Variants in IRAK2 observed in about 807,000 individuals in gnomAD.
IRAK2 encodes interleukin-1 receptor-associated kinase-like 2.
Under a neutral mutation model 72.0 loss-of-function variants are expected in IRAK2, and 57 were observed. That is an observed-to-expected ratio of 0.79 (90% CI 0.64 to 0.99). The LOEUF (loss-of-function observed/expected upper bound fraction) is 0.99, where lower values mean the gene tolerates loss of function less well. IRAK2 is among the 50% of genes least tolerant of loss of function. The pLI is 0.00. For synonymous variants in IRAK2, 293 were observed against 312.7 expected (o/e 0.94, Z 0.67); for missense variants, 790 against 794.4 (o/e 0.99, Z 0.07).
At chr3:10,212,803 C>T (rs1197378111) in intron 4 of IRAK2, among the ~76,000 whole-genome samples, 13 of 136,388 alleles carry the variant, frequency 9.5e-5, no homozygotes, top group African/African-American at 1.7e-4. Context: ...CTCGCTCTGT[C>T]ACCCAGGCTG....
intron 2 of IRAK2, among the ~76,000 whole-genome samples, chr3:10,187,315 A>G (rs1185061636): frequency 6.6e-6 from 1 of 152,136 alleles, no homozygotes; most frequent in Non-Finnish European, 1.5e-5. Flanking sequence ...GGCAAAGACT[A>G]GTTGAAAAAT....
intron 9 of IRAK2, among the ~76,000 whole-genome samples, chr3:10,225,988 C>T (rs949631678): frequency 1.3e-5 from 2 of 152,086 alleles, no homozygotes; most frequent in East Asian, 1.9e-4. Flanking sequence ...CATGATCCAC[C>T]GTGCCCAGCC....
chr3:10,240,434 G>A (rs1236152073), intron 12 of IRAK2, among the ~76,000 whole-genome samples: 6 of 148,678 alleles, frequency 4.0e-5, no homozygotes, highest in South Asian at 4.3e-4. Flanking sequence ...TCCAGCCTGG[G>A]TGACAGAGGA....
At chr3:10,227,693 G>A (rs1697801534) in intron 10 of IRAK2, among the ~76,000 whole-genome samples, 1 of 145,630 alleles carries the variant, frequency 6.9e-6, no homozygotes, top group Non-Finnish European at 1.5e-5. Flanking sequence ...TTTTGAGACG[G>A]AGTCTTGCTC....
chr3:10,208,075 TG>T (rs1697458997), intron 3 of IRAK2, among the ~76,000 whole-genome samples: 1 of 149,786 alleles, frequency 6.7e-6, no homozygotes, highest in Non-Finnish European at 1.5e-5. Flanking sequence ...TGAAGACTAA[TG>T]AGGCCGTCTG....
intron 10 of IRAK2, among the ~76,000 whole-genome samples, chr3:10,227,592 A>G (rs1297081730): frequency 1.3e-5 from 2 of 152,112 alleles, no homozygotes; most frequent in East Asian, 1.9e-4. Context: ...AGTTTGGCCT[A>G]GGATCTCAGT....
At chr3:10,176,769 G>A (rs1196086710) in intron 1 of IRAK2, among the ~76,000 whole-genome samples, 4 of 150,916 alleles carry the variant, frequency 2.7e-5, no homozygotes, top group Non-Finnish European at 4.4e-5. Flanking sequence ...AAGCCACTGC[G>A]CCTGGCCTAC....
intron 1 of IRAK2, among the ~76,000 whole-genome samples, chr3:10,168,410 C>T (rs1205863593): frequency 2.1e-4 from 32 of 151,810 alleles, no homozygotes; most frequent in African/African-American, 6.3e-4. Context: ...AGGGTTTCAC[C>T]GTGTTGGCCA....
At chr3:10,186,362 G>T (rs1379150334) in intron 2 of IRAK2, among the ~76,000 whole-genome samples, 2 of 151,646 alleles carry the variant, frequency 1.3e-5, no homozygotes, top group Non-Finnish European at 2.9e-5. Flanking sequence ...TGCTCTCTTG[G>T]CTTCTAATCA....
chr3:10,237,592 G>T (rs925410075), intron 11 of IRAK2, among the ~76,000 whole-genome samples: 2 of 152,060 alleles, frequency 1.3e-5, no homozygotes, highest in Non-Finnish European at 2.9e-5. Context: ...CGGATCACGA[G>T]GTCAGGAGAT....
intron 2 of IRAK2, among the ~76,000 whole-genome samples, chr3:10,193,923 G>A (rs770561814): frequency 3.9e-5 from 6 of 152,212 alleles, no homozygotes; most frequent in Non-Finnish European, 7.3e-5. Flanking sequence ...ACCTAGAATC[G>A]GTTTCCATTA....
At chr3:10,222,902 A>C in intron 9 of IRAK2, 71 bp downstream of exon 9, 1 of 1,382,288 alleles carries the variant, frequency 7.2e-7, no homozygotes. Flanking sequence ...CTTTGTAATC[A>C]CAGGATACGG....
At chr3:10,215,393 CAAAA>C (rs562788691) in intron 6 of IRAK2, among the ~76,000 whole-genome samples, 5 of 79,570 alleles carry the variant, frequency 6.3e-5, no homozygotes, top group African/African-American at 4.6e-5. Context: ...GACTCTGTCT[CAAAA>C]AAAAAAAAAA....
chr3:10,199,945 T>C (rs768069324), intron 2 of IRAK2, among the ~76,000 whole-genome samples: 8 of 149,340 alleles, frequency 5.4e-5, no homozygotes, highest in Non-Finnish European at 8.9e-5. Context: ...TGGAGTGTAG[T>C]GGTGCGATCT....
intron 1 of IRAK2, among the ~76,000 whole-genome samples, chr3:10,167,478 A>G (rs959504839): frequency 1.1e-4 from 16 of 151,276 alleles, no homozygotes; most frequent in East Asian, 1.9e-4. Context: ...GCAGTGGCGC[A>G]ATCTCGGCTC....
chr3:10,239,126 C>A, intron 12 of IRAK2, 87 bp downstream of exon 12: 1 of 1,223,636 alleles, frequency 8.2e-7, no homozygotes, highest in Non-Finnish European at 1.1e-6. Context: ...TGCCTTCATT[C>A]ACTCCTTCAT....
Position 10,242,410 on chromosome 3 carries a change from T to C in IRAK2, c.*182T>C, listed in dbSNP as rs888449670. ...TTGGGAGAGAAAGGCCCTCAGCTTTTAGAGACACAAAAATCCATGAAGTCT... is the reference window on the plus strand; with the variant it reads ...TTGGGAGAGAAAGGCCCTCAGCTTTCAGAGACACAAAAATCCATGAAGTCT... On this transcript the variant is annotated 3_prime_UTR_variant, in exon 13 of 13. Transcript: ENST00000256458. 21 of 427,236 alleles carry C rather than the reference T, an allele frequency of 4.9e-5. No homozygotes were observed. The highest frequency in any genetic ancestry group is 7.1e-5 in the Non-Finnish European group (17 of 239,406). 26.5% of individuals were successfully genotyped at this position (427,236 alleles called of 1,614,324 possible).
rs1247073288 is a variant in IRAK2 at position 10,212,588 on chromosome 3, C to T, written c.529-619C>T. On this transcript the variant is annotated intron_variant, in intron 4 of 12. Coordinates refer to ENST00000256458, the MANE Select transcript of IRAK2 (RefSeq NM_001570.4). ...TAAACTGAAATAAAGGAAACATCAACCATGTGCCAGGAATACTCACATCTT... is the reference window on the plus strand; with the variant it reads ...TAAACTGAAATAAAGGAAACATCAATCATGTGCCAGGAATACTCACATCTT... 2.0e-5 allele frequency among the ~76,000 whole-genome samples: 3 copies of T among 152,072 alleles called. No individual in the cohort carries two copies. In the East Asian group the frequency reaches 5.8e-4, roughly 29 times the overall value.
intron 2 of IRAK2, among the ~76,000 whole-genome samples, chr3:10,190,159 G>C (rs992511262): frequency 1.3e-5 from 2 of 150,450 alleles, no homozygotes; most frequent in Non-Finnish European, 3.0e-5. Flanking sequence ...TTCTTGGTAG[G>C]TTACTAGATT....
Sources: gnomAD v4.1 joint callset for allele counts (sites outside exome capture counted in the v4.1 genomes callset) on GRCh38, gnomAD v4.1.1 for gene constraint, MANE v1.5 for transcripts, NCBI Gene and HGNC (gene_info 2026-07-23, HGNC 2026-07-21) for gene names.